SYNPR: variants seen among roughly 807,000 people sequenced by gnomAD.
SYNPR encodes synaptoporin.
In SYNPR, 23 loss-of-function variants were observed where a neutral mutation model predicts 32.9. The ratio of observed to expected loss-of-function variants is 0.70; its 90% CI spans 0.50 to 0.99. The LOEUF (loss-of-function observed/expected upper bound fraction) is 0.99. Among genes scored for constraint, SYNPR ranks in the 50% least tolerant of loss-of-function variants. The probability of loss-of-function intolerance (pLI) is 0.00; values close to 1 mark genes in which losing one functional copy is unlikely to be tolerated. For missense variants in SYNPR, 318 were observed against 349.3 expected, an observed-to-expected ratio of 0.91 and a Z score of 0.71; for synonymous variants, 146 against 135.9, an observed-to-expected ratio of 1.07 and a Z score of -0.52.
intron 3 of SYNPR, among the ~76,000 whole-genome samples, chr3:63,548,071 T>C (rs1702440673): frequency 6.6e-6 from 1 of 152,140 alleles, no homozygotes; most frequent in African/African-American, 2.4e-5. Flanking sequence ...GGATTTGTCT[T>C]TTTCAACCTT....
intron 3 of SYNPR, among the ~76,000 whole-genome samples, chr3:63,535,020 C>A (rs1702176694): frequency 6.6e-6 from 1 of 151,998 alleles, no homozygotes; most frequent in South Asian, 2.1e-4. Flanking sequence ...TATCAGAACC[C>A]AATGAGAGTA....
intron 2 of SYNPR, among the ~76,000 whole-genome samples, chr3:63,312,423 T>C (rs1003130670): frequency 6.6e-6 from 1 of 152,000 alleles, no homozygotes; most frequent in Non-Finnish European, 1.5e-5. Flanking sequence ...CTCTTGCTCA[T>C]GTTCCCTCTC....
rs186950103 is a variant in SYNPR at position 63,560,760 on chromosome 3, G to A, written c.408+4019G>A. 3.5e-4 allele frequency among the ~76,000 whole-genome samples: 53 copies of A among 152,210 alleles called. No individual in the cohort carries two copies. The East Asian group carries it at 8.1e-3, about 23-fold the overall frequency. Reference sequence around the variant, plus strand: ...GGAACTACCAAACACTTATAAAACCGTCAGATCTCATGAGAACTCACTCAC... The same window carrying A: ...GGAACTACCAAACACTTATAAAACCATCAGATCTCATGAGAACTCACTCAC... On this transcript the variant is annotated intron_variant, in intron 4 of 5. Transcript: ENST00000478300.
intron 2 of SYNPR, among the ~76,000 whole-genome samples, chr3:63,448,737 C>A (rs984896697): frequency 2.0e-5 from 3 of 152,096 alleles, no homozygotes; most frequent in African/African-American, 7.2e-5. Flanking sequence ...ATGGGAGATA[C>A]AATGATGAAC....
At chr3:63,461,708 T>G (rs963726075) in intron 2 of SYNPR, among the ~76,000 whole-genome samples, 1 of 151,846 alleles carries the variant, frequency 6.6e-6, no homozygotes, top group Non-Finnish European at 1.5e-5. Flanking sequence ...GGCTAAGAAC[T>G]CAAGAGAGGT....
At chr3:63,611,459 T>A (rs1487733148) in intron 5 of SYNPR, among the ~76,000 whole-genome samples, 1 of 152,182 alleles carries the variant, frequency 6.6e-6, no homozygotes, top group Non-Finnish European at 1.5e-5. Context: ...TATTACAAAT[T>A]GTTTGGCTTC....
intron 1 of SYNPR, among the ~76,000 whole-genome samples, chr3:63,243,147 G>C (rs981702029): frequency 1.3e-5 from 2 of 151,852 alleles, no homozygotes; most frequent in African/African-American, 4.8e-5. Flanking sequence ...GATATCTAAT[G>C]TTAGAAGAGA....
At chr3:63,341,251 T>C (rs1415486921) in intron 2 of SYNPR, among the ~76,000 whole-genome samples, 3 of 152,236 alleles carry the variant, frequency 2.0e-5, no homozygotes, top group Non-Finnish European at 4.4e-5. Context: ...AATATTCCAT[T>C]GTATGGATGT....
At chr3:63,397,061 G>A (rs1307700529) in intron 2 of SYNPR, among the ~76,000 whole-genome samples, 4 of 143,632 alleles carry the variant, frequency 2.8e-5, no homozygotes, top group African/African-American at 5.2e-5. Context: ...CCAAGATAGC[G>A]CCACTGCACT....
At chr3:63,565,998 CT>C (rs1702783166) in intron 4 of SYNPR, among the ~76,000 whole-genome samples, 1 of 152,092 alleles carries the variant, frequency 6.6e-6, no homozygotes, top group African/African-American at 2.4e-5. Context: ...AGTCTCTTTC[CT>C]CTAAGCTCTG....
intron 2 of SYNPR, among the ~76,000 whole-genome samples, chr3:63,340,715 G>A (rs1376943670): frequency 6.6e-6 from 1 of 152,092 alleles, no homozygotes; most frequent in Non-Finnish European, 1.5e-5. Context: ...CACCGCGCCC[G>A]GCCAATGTAC....
intron 2 of SYNPR, among the ~76,000 whole-genome samples, chr3:63,333,885 C>T (rs2087256550): frequency 6.6e-6 from 1 of 152,012 alleles, no homozygotes; most frequent in Non-Finnish European, 1.5e-5. Context: ...TCATTCAATG[C>T]AAAGGAAAAT....
intron 2 of SYNPR, among the ~76,000 whole-genome samples, chr3:63,368,275 G>C (rs2087751545): frequency 6.6e-6 from 1 of 152,118 alleles, no homozygotes; most frequent in Non-Finnish European, 1.5e-5. Flanking sequence ...GTAAATACTT[G>C]GATAATACAT....
intron 3 of SYNPR, among the ~76,000 whole-genome samples, chr3:63,493,738 C>T (rs898669726): frequency 1.4e-5 from 2 of 146,304 alleles, no homozygotes; most frequent in Non-Finnish European, 3.0e-5. Flanking sequence ...ATCACTTGAA[C>T]CCAGAAGGCG....
intron 2 of SYNPR, among the ~76,000 whole-genome samples, chr3:63,349,662 T>C (rs992227507): frequency 6.6e-6 from 1 of 152,196 alleles, no homozygotes; most frequent in Non-Finnish European, 1.5e-5. Context: ...TGATTTTGCA[T>C]CCTGACACTT....
Position 63,254,157 on chromosome 3 carries a change from G to A in SYNPR, n.154+1571G>A, listed in dbSNP as rs912771223. ...CACAGGAAGGGGAACATCACACACC[G>A]GGGCGTGTTGTGGGGTGGGGGGAGA... On this transcript the variant is annotated intron_variant and non_coding_transcript_variant, in intron 2 of 4. Coordinates refer to the SYNPR transcript ENST00000478456. 4.0e-4 allele frequency among the ~76,000 whole-genome samples: 61 copies of A among 152,202 alleles called. 1 individual carries two copies. The highest frequency in any genetic ancestry group is 5.1e-4 in the African/African-American group (21 of 41,512).
the SYNPR span, among the ~76,000 whole-genome samples, chr3:63,218,437 A>T: frequency 6.6e-6 from 1 of 152,168 alleles, no homozygotes; most frequent in Admixed American, 6.5e-5. Context: ...TGTATGTTCT[A>T]CTTCTTTGTG....
rs755622968 is a variant in SYNPR at position 63,510,915 on chromosome 3, C to CTGTG, written c.209+29976_209+29979dup. Reference sequence around the variant, plus strand: ...GTAAATGAAAAGGCAAAAGGTACAACTGTGTGTGTGTGTGTGTGTGCGCGC... The same window carrying CTGTG: ...GTAAATGAAAAGGCAAAAGGTACAACTGTGTGTGTGTGTGTGTGTGTGTGCGCGC... On this transcript the variant is annotated intron_variant, in intron 3 of 5. Coordinates refer to ENST00000478300, the MANE Select transcript of SYNPR (RefSeq NM_001130003.2). 1.1e-3 allele frequency among the ~76,000 whole-genome samples: 168 copies of CTGTG among 149,194 alleles called. 2 individuals carry two copies. Among genetic ancestry groups the CTGTG allele is most frequent in the South Asian group, 3.6e-3 (17 of 4,658 alleles).
chr3:63,530,044 C>A (rs977262445), intron 3 of SYNPR, among the ~76,000 whole-genome samples: 5 of 152,128 alleles, frequency 3.3e-5, no homozygotes, highest in African/African-American at 1.2e-4. Flanking sequence ...CTGCTCCCCA[C>A]CCCTGCACCC....
Sources: allele counts gnomAD v4.1 joint callset (sites outside exome capture counted in the v4.1 genomes callset), GRCh38; gene constraint gnomAD v4.1.1; transcripts MANE v1.5; gene names NCBI Gene and HGNC (gene_info 2026-07-23, HGNC 2026-07-21).